Variants in CA8 observed in about 807,000 individuals in gnomAD.
CA8 encodes the protein carbonic anhydrase-related protein.
A neutral mutation model predicts 41.4 loss-of-function variants in CA8; 22 were observed. The ratio of observed to expected loss-of-function variants is 0.53; its 90% confidence interval spans 0.38 to 0.76. The LOEUF is 0.76. CA8 is among the 30% of genes least tolerant of loss of function. The pLI is 0.00. For missense variants in CA8, 270 were observed against 352.8 expected (o/e 0.77, Z 1.88); for synonymous variants, 121 against 130.6 (o/e 0.93, Z 0.50).
chr8:60,198,108 T>C (rs965352159), intron 8 of CA8, among the ~76,000 whole-genome samples: 7 of 152,292 alleles, frequency 4.6e-5, no homozygotes, highest in African/African-American at 1.7e-4. Flanking sequence ...TTTGCTGTTG[T>C]GAAATGTGGT....
At chr8:60,276,136 C>T (rs181781224) in intron 2 of CA8, among the ~76,000 whole-genome samples, 17 of 152,218 alleles carry the variant, frequency 1.1e-4, no homozygotes, top group African/African-American at 1.9e-4. Flanking sequence ...CCTGAGATGA[C>T]GGAGCAACTC....
At chr8:60,278,702 C>A in intron 2 of CA8, among the ~76,000 whole-genome samples, 1 of 152,162 alleles carries the variant, frequency 6.6e-6, no homozygotes, top group East Asian at 1.9e-4. Context: ...CTACATGAAT[C>A]TATGACTATC....
chr8:60,231,416 G>C (rs1807643535), intron 4 of CA8, among the ~76,000 whole-genome samples: 1 of 152,096 alleles, frequency 6.6e-6, no homozygotes, highest in Non-Finnish European at 1.5e-5. Context: ...AAAAATTGTT[G>C]CAATTAATTT....
chr8:60,263,363 AACAG>A (rs1288425027), intron 3 of CA8, among the ~76,000 whole-genome samples: 2 of 152,046 alleles, frequency 1.3e-5, no homozygotes, highest in Admixed American at 6.6e-5. Context: ...TGTTCCATGT[AACAG>A]ACAGAGTAAG....
chr8:60,191,381 A>C (rs1460518783), intron 8 of CA8, among the ~76,000 whole-genome samples: 1 of 152,140 alleles, frequency 6.6e-6, no homozygotes, highest in African/African-American at 2.4e-5. Context: ...CCTAAAGGTC[A>C]CAATGTATTT....
chr8:60,241,761 C>T (rs533172955), intron 3 of CA8, among the ~76,000 whole-genome samples: 113 of 150,656 alleles, frequency 7.5e-4, no homozygotes, highest in Admixed American at 1.6e-3. Context: ...AAAAAAAAAA[C>T]CTGAATTGTA....
intron 3 of CA8, among the ~76,000 whole-genome samples, chr8:60,249,080 C>T (rs1808353609): frequency 6.6e-6 from 1 of 151,978 alleles, no homozygotes; most frequent in Non-Finnish European, 1.5e-5. Flanking sequence ...TTAAATGAGT[C>T]AATGTTACAG....
chr8:60,274,665 T>C (rs1804175625), intron 2 of CA8, among the ~76,000 whole-genome samples: 1 of 152,146 alleles, frequency 6.6e-6, no homozygotes, highest in African/African-American at 2.4e-5. Flanking sequence ...CCTCATACCA[T>C]GTGAGGACGT....
chr8:60,231,134 T>C (rs1807633557), intron 4 of CA8, among the ~76,000 whole-genome samples: 1 of 152,204 alleles, frequency 6.6e-6, no homozygotes, highest in African/African-American at 2.4e-5. Flanking sequence ...CTAAAAATTA[T>C]CAAAATATAT....
intron 3 of CA8, among the ~76,000 whole-genome samples, chr8:60,250,038 A>C (rs1808393365): frequency 6.6e-6 from 1 of 152,198 alleles, no homozygotes; most frequent in African/African-American, 2.4e-5. Flanking sequence ...GCATGATTAG[A>C]CTTGCTCAGA....
At chr8:60,203,925 A>G (rs1194340392) in intron 8 of CA8, among the ~76,000 whole-genome samples, 3 of 152,186 alleles carry the variant, frequency 2.0e-5, no homozygotes, top group Non-Finnish European at 4.4e-5. Flanking sequence ...AAGCATATTC[A>G]TCATAAACCA....
At chr8:60,237,028 G>A (rs1807853102) in intron 3 of CA8, among the ~76,000 whole-genome samples, 1 of 152,160 alleles carries the variant, frequency 6.6e-6, no homozygotes, top group Non-Finnish European at 1.5e-5. Context: ...GCCCAGATAT[G>A]CTCTGGGGTG....
At chr8:60,253,802 T>C (rs975116419) in intron 3 of CA8, among the ~76,000 whole-genome samples, 1 of 152,186 alleles carries the variant, frequency 6.6e-6, no homozygotes, top group African/African-American at 2.4e-5. Context: ...TACTCAGTCA[T>C]CAAGGCCCAG....
intron 8 of CA8, among the ~76,000 whole-genome samples, chr8:60,193,963 T>G (rs1217952377): frequency 6.6e-6 from 1 of 152,220 alleles, no homozygotes; most frequent in Non-Finnish European, 1.5e-5. Flanking sequence ...CTTACATTAC[T>G]GTATTTTTCA....
intron 8 of CA8, among the ~76,000 whole-genome samples, chr8:60,190,892 A>G (rs2130370379): frequency 6.8e-6 from 1 of 146,730 alleles, no homozygotes; most frequent in Middle Eastern, 3.6e-3. Context: ...AGAATTATGC[A>G]TATATAGTAT....
intron 3 of CA8, among the ~76,000 whole-genome samples, chr8:60,241,887 A>G (rs1239608421): frequency 1.3e-5 from 2 of 152,190 alleles, no homozygotes; most frequent in Non-Finnish European, 2.9e-5. Context: ...TCATTTATAG[A>G]TTGGATCTGT....
At chr8:60,269,500 T>C (rs1314950997) in intron 2 of CA8, among the ~76,000 whole-genome samples, 1 of 152,220 alleles carries the variant, frequency 6.6e-6, no homozygotes, top group Non-Finnish European at 1.5e-5. Flanking sequence ...TGCTCTTTAA[T>C]ACGCTTGGCA....
chr8:60,229,450 C>T (rs1011825765), intron 4 of CA8, among the ~76,000 whole-genome samples: 1 of 152,114 alleles, frequency 6.6e-6, no homozygotes, highest in Non-Finnish European at 1.5e-5. Flanking sequence ...TCTTCTAAGG[C>T]TATCACGCCC....
intron 7 of CA8, among the ~76,000 whole-genome samples, chr8:60,215,383 A>ACC (rs1554576886): frequency 6.9e-6 from 1 of 144,112 alleles, no homozygotes; most frequent in Non-Finnish European, 1.5e-5. Context: ...ACACACACAC[A>ACC]CCGGATCCCC....
Sources: gnomAD v4.1 joint callset for allele counts (sites outside exome capture counted in the v4.1 genomes callset) on GRCh38, gnomAD v4.1.1 for gene constraint, MANE v1.5 for transcripts, NCBI Gene and HGNC (gene_info 2026-07-23, HGNC 2026-07-21) for gene names.